The following ZNF704 variants were observed in gnomAD, a reference collection of about 807,000 sequenced individuals.
ZNF704 encodes zinc finger protein 704.
In ZNF704, 10 loss-of-function variants were observed where a neutral mutation model predicts 44.7. That is an observed-to-expected ratio of 0.22 (90% CI 0.14 to 0.38). ZNF704 has a LOEUF of 0.38. Ranked by LOEUF, ZNF704 falls within the 10% of genes least tolerant of loss-of-function variation. ZNF704 has a pLI of 1.00. For missense variants in ZNF704, 390 were observed against 545.5 expected (o/e 0.71, Z 2.84); for synonymous variants, 211 against 207.6 (o/e 1.02, Z -0.14).
chr8:80,667,810 A>G (rs1389320529), intron 5 of ZNF704, among the ~76,000 whole-genome samples: 1 of 152,202 alleles, frequency 6.6e-6, no homozygotes, highest in Non-Finnish European at 1.5e-5. Flanking sequence ...AGTTGTGTGC[A>G]TGATTTTGGT....
intron 2 of ZNF704, among the ~76,000 whole-genome samples, chr8:80,789,654 A>G (rs1158423094): frequency 6.6e-6 from 1 of 152,114 alleles, no homozygotes; most frequent in Non-Finnish European, 1.5e-5. Context: ...AAGTGGGAGG[A>G]TCTCTTGAGC....
intron 2 of ZNF704, among the ~76,000 whole-genome samples, chr8:80,697,433 T>A: frequency 6.6e-6 from 1 of 152,188 alleles, no homozygotes; most frequent in East Asian, 1.9e-4. Context: ...ACACTGCCCC[T>A]CCATGCAGCG....
At chr8:80,773,048 G>C (rs1446574945) in intron 2 of ZNF704, among the ~76,000 whole-genome samples, 3 of 151,996 alleles carry the variant, frequency 2.0e-5, no homozygotes, top group Non-Finnish European at 2.9e-5. Context: ...CAAGTGTTTG[G>C]TTATTTTCCT....
intron 2 of ZNF704, among the ~76,000 whole-genome samples, chr8:80,726,269 T>C (rs1480033951): frequency 1.3e-5 from 2 of 152,136 alleles, no homozygotes; most frequent in African/African-American, 2.4e-5. Context: ...AACACATGTG[T>C]TTTTTAATCA....
At chr8:80,675,402 G>T (rs951825393) in intron 4 of ZNF704, among the ~76,000 whole-genome samples, 1 of 152,166 alleles carries the variant, frequency 6.6e-6, no homozygotes, top group Admixed American at 6.5e-5. Context: ...AAGGAATTTG[G>T]ATTTTCTTCT....
chr8:80,874,775 C>G lies in ZNF704; in HGVS notation c.-226G>C, dbSNP rs1281602749. 1.3e-5 allele frequency: 2 copies of G among 152,178 alleles called. No individual in the cohort carries two copies. Among genetic ancestry groups the G allele is most frequent in the African/African-American group, 4.8e-5 (2 of 41,436 alleles). The allele number at this position is 152,178 out of a possible 1,614,324, so 9.4% of individuals were successfully genotyped here. On this transcript the variant is annotated 5_prime_UTR_variant, in exon 1 of 9. Transcript: ENST00000327835. The surrounding 1 kb of genome is among the most constrained non-coding windows in gnomAD (Gnocchi z 4.4). ...GATGTGCATGGCAGCTACTCCTGAG[C>G]TTGTGTGAAATCAAGGAAGGTGTAC...
intron 2 of ZNF704, among the ~76,000 whole-genome samples, chr8:80,745,461 T>G (rs2131698327): frequency 6.6e-6 from 1 of 152,252 alleles, no homozygotes; most frequent in East Asian, 1.9e-4. Context: ...AGGGGAAATT[T>G]AACTATGAGG....
chr8:80,794,880 T>C (rs1228985942), intron 2 of ZNF704, among the ~76,000 whole-genome samples: 1 of 152,236 alleles, frequency 6.6e-6, no homozygotes, highest in Admixed American at 6.5e-5. Context: ...GTTTCTATGA[T>C]GCCATGAGTA....
intron 1 of ZNF704, among the ~76,000 whole-genome samples, chr8:80,841,118 A>C (rs1808670652): frequency 1.3e-5 from 2 of 152,214 alleles, no homozygotes; most frequent in African/African-American, 2.4e-5. Context: ...GAAAGCTAGA[A>C]CTTCCACCAC....
intron 2 of ZNF704, among the ~76,000 whole-genome samples, chr8:80,774,210 C>A (rs1238984579): frequency 6.6e-6 from 1 of 151,988 alleles, no homozygotes; most frequent in Non-Finnish European, 1.5e-5. Flanking sequence ...ACTACAGGCA[C>A]ATGTCACCAT....
chr8:80,741,628 GC>G (rs1441250816), intron 2 of ZNF704, among the ~76,000 whole-genome samples: 1 of 152,178 alleles, frequency 6.6e-6, no homozygotes, highest in Non-Finnish European at 1.5e-5. Flanking sequence ...TATTTGAAGG[GC>G]CAGTGCTGCG....
intron 2 of ZNF704, among the ~76,000 whole-genome samples, chr8:80,818,999 CT>C (rs1563564436): frequency 6.6e-6 from 1 of 152,068 alleles, no homozygotes; most frequent in Non-Finnish European, 1.5e-5. Context: ...TTAAAAGCAA[CT>C]TATCTCACCA....
intron 5 of ZNF704, among the ~76,000 whole-genome samples, chr8:80,665,419 T>A (rs1051242826): frequency 3.3e-5 from 5 of 150,816 alleles, no homozygotes; most frequent in African/African-American, 1.2e-4. Flanking sequence ...AGTGGGAACT[T>A]ACAGGCAGAC....
chr8:80,802,253 G>C (rs538635081), intron 2 of ZNF704, among the ~76,000 whole-genome samples: 1 of 148,208 alleles, frequency 6.7e-6, no homozygotes, highest in South Asian at 2.1e-4. Flanking sequence ...TTCTACCAGA[G>C]GTACAAAGAA....
chr8:80,825,434 T>C (rs547880210), intron 1 of ZNF704, among the ~76,000 whole-genome samples: 3 of 152,224 alleles, frequency 2.0e-5, no homozygotes, highest in East Asian at 1.9e-4. Context: ...AGCAAGTCCT[T>C]AGAGACTTAC....
intron 2 of ZNF704, among the ~76,000 whole-genome samples, chr8:80,697,563 T>C (rs1818745257): frequency 6.6e-6 from 1 of 152,216 alleles, no homozygotes; most frequent in African/African-American, 2.4e-5. Context: ...ATGAGTTAGA[T>C]AATGTGGCTT....
rs116765434 is a variant in ZNF704, at chr8:80,685,368, T to G, written c.558+1858A>C. 5.8e-3 allele frequency among the ~76,000 whole-genome samples: 885 copies of G among 152,232 alleles called. 9 individuals are homozygous for G. Among genetic ancestry groups the G allele is most frequent in the African/African-American group, 0.02 (851 of 41,522 alleles). On this transcript the variant is annotated intron_variant, in intron 4 of 8. Transcript: ENST00000327835. Reference sequence around the variant, plus strand: ...TGCCTTAAATAACATTGGGGTTCCCTGTACTGTGAGTCCTTGTCACAACCC... The same window carrying G: ...TGCCTTAAATAACATTGGGGTTCCCGGTACTGTGAGTCCTTGTCACAACCC...
Position 80,652,382 on chromosome 8 carries a change from GT to G in ZNF704, c.1032+7202del, listed in dbSNP as rs1406119066. 4.6e-5 allele frequency among the ~76,000 whole-genome samples: 7 copies of G among 151,942 alleles called. No individual in the cohort carries two copies. In the East Asian group the frequency reaches 7.7e-4, roughly 17 times the overall value. On this transcript the variant is annotated intron_variant, in intron 7 of 8. Transcript: ENST00000327835. ...CAAAAAATCAATGAATCCAGGAGCT[GT>G]TTTTTTTAAAAGATCAACAAAATTG... is the stretch of plus-strand genomic sequence containing the variant.
At chr8:80,800,208 A>G (rs539214692) in intron 2 of ZNF704, among the ~76,000 whole-genome samples, 2 of 152,364 alleles carry the variant, frequency 1.3e-5, no homozygotes, top group South Asian at 4.1e-4. Flanking sequence ...GGTATCTGAA[A>G]GAGATGGGGA....
Sources: gnomAD v4.1 joint callset for allele counts (sites outside exome capture counted in the v4.1 genomes callset) on GRCh38, gnomAD v4.1.1 for gene constraint, Gnocchi (gnomAD v3.1) non-coding constraint, MANE v1.5 for transcripts, NCBI Gene and HGNC (gene_info 2026-07-23, HGNC 2026-07-21) for gene names.